The following ADAMTS17 variants were observed in gnomAD, a reference collection of about 807,000 sequenced individuals.
The protein encoded by ADAMTS17 is A disintegrin and metalloproteinase with thrombospondin motifs 17.
ADAMTS17 carries 113 observed loss-of-function variants against 141.5 expected under a neutral mutation model. The observed-to-expected ratio is 0.80, with a 90% CI of 0.69 to 0.93. ADAMTS17 has a LOEUF of 0.93. Among genes scored for constraint, ADAMTS17 ranks in the 40% least tolerant of loss-of-function variants. The pLI is 0.00. For synonymous variants in ADAMTS17, 768 were observed against 630.6 expected (o/e 1.22, Z -3.27); for missense variants, 1,659 against 1,517.9 (o/e 1.09, Z -1.54).
intron 7 of ADAMTS17, among the ~76,000 whole-genome samples, chr15:100,212,273 A>G (rs2041833611): frequency 6.6e-6 from 1 of 152,210 alleles, no homozygotes; most frequent in Non-Finnish European, 1.5e-5. Flanking sequence ...CAGCAAAGGT[A>G]GAGAGGACTC....
At chr15:99,988,739 C>T (rs1181348101) in intron 20 of ADAMTS17, among the ~76,000 whole-genome samples, 2 of 152,152 alleles carry the variant, frequency 1.3e-5, no homozygotes, top group Non-Finnish European at 2.9e-5. Context: ...TCTTACCTGA[C>T]AGGCATTCCC....
intron 18 of ADAMTS17, among the ~76,000 whole-genome samples, chr15:100,028,941 T>G (rs1303656752): frequency 6.6e-6 from 1 of 152,238 alleles, no homozygotes; most frequent in African/African-American, 2.4e-5. Flanking sequence ...AGGGCTAACT[T>G]AAAACAACCA....
In ADAMTS17 at chr15:100,146,859, G is replaced by C. The variant is rs563713930; in HGVS notation, c.1473+5753C>G. ...GAAATAGACCCCAGTCTCCCATAGCGCTCCCAGGCTTATTAGGAAGAGGAA... is the reference window on the plus strand; with the variant it reads ...GAAATAGACCCCAGTCTCCCATAGCCCTCCCAGGCTTATTAGGAAGAGGAA... On this transcript the variant is annotated intron_variant, in intron 10 of 21. Coordinates refer to ENST00000268070, the MANE Select transcript of ADAMTS17 (RefSeq NM_139057.4). 2.0e-4 allele frequency among the ~76,000 whole-genome samples: 26 copies of C among 128,530 alleles called. No individual in the cohort carries two copies. In the South Asian group the frequency reaches 6.7e-3, roughly 33 times the overall value. The allele number at this position is 128,530 out of a possible 152,430, so 84.3% of individuals were successfully genotyped here.
At chr15:100,262,989 C>A (rs1396875313) in intron 4 of ADAMTS17, among the ~76,000 whole-genome samples, 2 of 152,084 alleles carry the variant, frequency 1.3e-5, no homozygotes, top group Admixed American at 6.6e-5. Context: ...CCTCTAGAAT[C>A]ATACACACGT....
At chr15:100,260,365 G>C (rs1373579076) in intron 6 of ADAMTS17, among the ~76,000 whole-genome samples, 2 of 152,048 alleles carry the variant, frequency 1.3e-5, no homozygotes, top group East Asian at 1.9e-4. Flanking sequence ...TGTAATCCTA[G>C]CATTTTGGGA....
At chr15:100,142,548 T>C (rs2038708758) in intron 10 of ADAMTS17, among the ~76,000 whole-genome samples, 1 of 152,238 alleles carries the variant, frequency 6.6e-6, no homozygotes, top group Non-Finnish European at 1.5e-5. Context: ...CTAAGTGCTT[T>C]AATTCAGTTA....
intron 15 of ADAMTS17, among the ~76,000 whole-genome samples, chr15:100,084,933 C>T (rs8037445): frequency 0.33 from 49,920 of 151,988 alleles, 10,507 homozygotes; most frequent in East Asian, 0.59. Flanking sequence ...AAAATCGGAG[C>T]GCCTCTCCTC....
chr15:100,178,011 G>A (rs187002180), intron 8 of ADAMTS17, among the ~76,000 whole-genome samples: 66 of 152,030 alleles, frequency 4.3e-4, no homozygotes, highest in African/African-American at 1.5e-3. Context: ...ATGTTTTCAT[G>A]ATGTATTTTT....
intron 3 of ADAMTS17, among the ~76,000 whole-genome samples, chr15:100,298,305 T>A (rs1049362739): frequency 2.6e-5 from 4 of 152,114 alleles, no homozygotes; most frequent in Non-Finnish European, 5.9e-5. Flanking sequence ...TCCAGCCACA[T>A]TTGAGGATGT....
At chr15:100,221,605 T>A (rs1567379383) in intron 7 of ADAMTS17, among the ~76,000 whole-genome samples, 1 of 152,194 alleles carries the variant, frequency 6.6e-6, no homozygotes, top group Non-Finnish European at 1.5e-5. Context: ...TGCTCTAAAA[T>A]CAGCCATACG....
At chr15:100,246,867 T>TTTTA (rs10525188) in intron 7 of ADAMTS17, among the ~76,000 whole-genome samples, 44,402 of 146,374 alleles carry the variant, frequency 0.3, 7,087 homozygotes, top group South Asian at 0.4. Flanking sequence ...GCCCTTTTAT[T>TTTTA]TTTATTTATT....
At chr15:100,275,176 G>A (rs1315786992) in intron 4 of ADAMTS17, among the ~76,000 whole-genome samples, 1 of 152,216 alleles carries the variant, frequency 6.6e-6, no homozygotes, top group African/African-American at 2.4e-5. Flanking sequence ...AGGCACGTAA[G>A]CAGAGCATTC....
intron 20 of ADAMTS17, among the ~76,000 whole-genome samples, chr15:99,977,322 G>C (rs1284261332): frequency 3.3e-5 from 4 of 122,514 alleles, no homozygotes; most frequent in Admixed American, 2.8e-4. Flanking sequence ...TTAAGACTTC[G>C]TGGTTCTGTT....
In ADAMTS17 at chr15:100,281,318, C is replaced by T. The variant is rs1596440579; in HGVS notation, c.700G>A (p.Val234Met). 7 of 1,610,310 alleles carry T rather than the reference C, an allele frequency of 4.3e-6. No individual in the cohort carries two copies. The highest frequency in any genetic ancestry group is 2.2e-5 in the East Asian group (1 of 44,886). The change falls in exon 4 of 22, where the codon GTG becomes ATG. Residue 234 changes from valine to methionine, a missense_variant. Coordinates refer to ENST00000268070, the MANE Select transcript of ADAMTS17 (RefSeq NM_139057.4). ...NAIRLTSEHT[V>M]ETLVVADADM... ...GCGTCGGCCACCACCAGGGTCTCCA[C>T]CGTGTGCTCGCTGGTGAGCCGGATA... is the stretch of plus-strand genomic sequence containing the variant.
intron 15 of ADAMTS17, among the ~76,000 whole-genome samples, chr15:100,072,638 C>G (rs752732074): frequency 4.6e-5 from 7 of 152,062 alleles, no homozygotes; most frequent in African/African-American, 1.4e-4. Context: ...ACAAACCTGA[C>G]AAAAACAAGC....
intron 7 of ADAMTS17, among the ~76,000 whole-genome samples, chr15:100,213,839 G>C (rs190955391): frequency 1.3e-5 from 2 of 152,216 alleles, no homozygotes; most frequent in Non-Finnish European, 2.9e-5. Context: ...AGTAGAGAAG[G>C]GCCATCTGGC....
chr15:99,999,856 C>T (rs996539428), intron 18 of ADAMTS17, among the ~76,000 whole-genome samples: 46 of 152,240 alleles, frequency 3.0e-4, no homozygotes, highest in African/African-American at 9.6e-4. Flanking sequence ...CTGGGCTCCT[C>T]CCTCCACCCC....
intron 20 of ADAMTS17, chr15:99,976,630 G>A (rs780722422): frequency 6.0e-6 from 2 of 333,764 alleles, no homozygotes; most frequent in Non-Finnish European, 5.8e-6. Context: ...TAGATGTCAT[G>A]AGGGTGGAGC....
chr15:100,030,268 G>A (rs145842737), intron 18 of ADAMTS17, among the ~76,000 whole-genome samples: 14 of 152,306 alleles, frequency 9.2e-5, no homozygotes, highest in African/African-American at 3.1e-4. Context: ...GTGGGCCAGG[G>A]CACGTTCATT....
Sources: allele counts gnomAD v4.1 joint callset (sites outside exome capture counted in the v4.1 genomes callset), GRCh38; gene constraint gnomAD v4.1.1; transcripts MANE v1.5; gene names NCBI Gene and HGNC (gene_info 2026-07-23, HGNC 2026-07-21).